Variants in CFAP144 observed in about 807,000 individuals in gnomAD.
CFAP144 encodes cilia- and flagella-associated protein 144.
the CFAP144 span, among the ~76,000 whole-genome samples, chr1:43,151,927 A>C: frequency 6.6e-6 from 1 of 152,216 alleles, no homozygotes; most frequent in Non-Finnish European, 1.5e-5. Flanking sequence ...AATAAGGAAT[A>C]GAACAGGAAA....
At chr1:43,151,784 G>A in the CFAP144 span, among the ~76,000 whole-genome samples, 1 of 152,170 alleles carries the variant, frequency 6.6e-6, no homozygotes, top group Non-Finnish European at 1.5e-5. Context: ...GGGGAGCAGA[G>A]GCTCTCAGAG....
chr1:43,145,336 A>AACCCCTGAGAATCAC, the CFAP144 span: 3 of 1,451,996 alleles, frequency 2.1e-6, no homozygotes, highest in South Asian at 3.7e-5. Context: ...AAGTGAGTGC[A>AACCCCTGAGAATCAC]ACCCCTGAGA....
At chr1:43,155,797 G>A in the CFAP144 span, among the ~76,000 whole-genome samples, 2 of 152,144 alleles carry the variant, frequency 1.3e-5, no homozygotes, top group Non-Finnish European at 2.9e-5. Context: ...CTCATCTCCT[G>A]GTAACATTTT....
the CFAP144 span, among the ~76,000 whole-genome samples, chr1:43,145,940 CT>C: frequency 6.6e-6 from 1 of 152,126 alleles, no homozygotes; most frequent in East Asian, 1.9e-4. Context: ...AATGGGGACA[CT>C]TTTTTTATGG....
At chr1:43,155,734 G>A in the CFAP144 span, among the ~76,000 whole-genome samples, 1 of 152,234 alleles carries the variant, frequency 6.6e-6, no homozygotes, top group Non-Finnish European at 1.5e-5. Flanking sequence ...GATACCTCCA[G>A]TCTCAGTACT....
At chr1:43,152,892 G>A in the CFAP144 span, 1 of 1,613,574 alleles carries the variant, frequency 6.2e-7, no homozygotes, top group Non-Finnish European at 8.5e-7. Flanking sequence ...CAGAGACACA[G>A]ACTGAAAACC....
At chr1:43,153,583 T>G in the CFAP144 span, among the ~76,000 whole-genome samples, 1 of 151,976 alleles carries the variant, frequency 6.6e-6, no homozygotes, top group South Asian at 2.1e-4. Flanking sequence ...CACTCCAGCT[T>G]GGGTGACAGA....
At chr1:43,149,362 C>G in the CFAP144 span, among the ~76,000 whole-genome samples, 12 of 152,224 alleles carry the variant, frequency 7.9e-5, no homozygotes, top group African/African-American at 2.9e-4. Flanking sequence ...CCTTTCCCCC[C>G]TGCCATTTCT....
At chr1:43,145,217 C>G in the CFAP144 span, 4 of 1,534,880 alleles carry the variant, frequency 2.6e-6, no homozygotes, top group Non-Finnish European at 3.5e-6. Flanking sequence ...GGTCTGTAGC[C>G]ACAGAGCAAA....
the CFAP144 span, chr1:43,145,234 G>A: frequency 1.3e-6 from 2 of 1,547,772 alleles, no homozygotes; most frequent in Non-Finnish European, 1.7e-6. Context: ...CAAACTGCAG[G>A]GCCATTGACA....
chr1:43,156,240 A>C, the CFAP144 span: 1 of 1,614,010 alleles, frequency 6.2e-7, no homozygotes. Flanking sequence ...AGGCTGAATC[A>C]CTTCAGGGTC....
the CFAP144 span, among the ~76,000 whole-genome samples, chr1:43,143,483 T>C: frequency 1.3e-5 from 2 of 151,800 alleles, no homozygotes; most frequent in Admixed American, 1.3e-4. Flanking sequence ...CCAGAGAGAA[T>C]AGGTGAGCAA....
chr1:43,156,354 A>G, the CFAP144 span: 32 of 1,431,642 alleles, frequency 2.2e-5, no homozygotes, highest in South Asian at 3.7e-4. Flanking sequence ...TAATGCCTTA[A>G]GTGTGCACAG....
the CFAP144 span, chr1:43,148,213 T>C: frequency 2.1e-6 from 2 of 952,554 alleles, no homozygotes; most frequent in African/African-American, 3.3e-5. Flanking sequence ...CCCCCTTTCC[T>C]AGATTTCAGG....
chr1:43,148,048 C>T, the CFAP144 span: 3 of 1,613,828 alleles, frequency 1.9e-6, no homozygotes, highest in Admixed American at 3.3e-5. Context: ...AACCCAGAAA[C>T]TCTACACGCA....
At chr1:43,154,211 AATT>A in the CFAP144 span, among the ~76,000 whole-genome samples, 2,921 of 130,888 alleles carry the variant, frequency 0.022, 110 homozygotes, top group African/African-American at 0.096. Flanking sequence ...ATTATATATA[AATT>A]ATTATATAAA....
chr1:43,148,878 C>A, the CFAP144 span, among the ~76,000 whole-genome samples: 2 of 152,194 alleles, frequency 1.3e-5, no homozygotes, highest in Non-Finnish European at 2.9e-5. Flanking sequence ...ACATTCCTCT[C>A]CCCTGACCCA....
At chr1:43,147,489 G>A in the CFAP144 span, among the ~76,000 whole-genome samples, 2 of 152,132 alleles carry the variant, frequency 1.3e-5, no homozygotes, top group African/African-American at 4.8e-5. Flanking sequence ...CGTTTTCTCA[G>A]AGAGGAAACC....
the CFAP144 span, chr1:43,145,383 A>C: frequency 9.8e-7 from 1 of 1,022,076 alleles, no homozygotes; most frequent in Non-Finnish European, 1.5e-6. Context: ...CTGTAGATAG[A>C]TGGGGACTTA....
Sources: gnomAD v4.1 joint callset for allele counts (sites outside exome capture counted in the v4.1 genomes callset) on GRCh38, gnomAD v4.1.1 for gene constraint, MANE v1.5 for transcripts, NCBI Gene and HGNC (gene_info 2026-07-23, HGNC 2026-07-21) for gene names.